DPP10: variants seen among roughly 807,000 people sequenced by gnomAD.
The protein encoded by DPP10 is dipeptidyl peptidase like 10, also known as inactive dipeptidyl peptidase 10.
Under a neutral mutation model 120.9 loss-of-function variants are expected in DPP10, and 33 were observed. That is an observed-to-expected ratio of 0.27 (90% CI 0.21 to 0.37). The LOEUF (loss-of-function observed/expected upper bound fraction) is 0.37, where lower values mean the gene tolerates loss of function less well. Ranked by LOEUF, DPP10 falls within the 10% of genes least tolerant of loss-of-function variation. The pLI is 1.00. For missense variants in DPP10, 816 were observed against 942.8 expected, an observed-to-expected ratio of 0.87 and a Z score of 1.76; for synonymous variants, 337 against 326.1, an observed-to-expected ratio of 1.03 and a Z score of -0.36.
At chr2:115,663,481 A>C (rs1424118881) in intron 5 of DPP10, among the ~76,000 whole-genome samples, 1 of 152,176 alleles carries the variant, frequency 6.6e-6, no homozygotes, top group African/African-American at 2.4e-5. Context: ...AAAGGTACAT[A>C]GACACTTTAT....
At chr2:115,817,498 C>G (rs1224885342) in intron 21 of DPP10, among the ~76,000 whole-genome samples, 1 of 152,086 alleles carries the variant, frequency 6.6e-6, no homozygotes, top group Non-Finnish European at 1.5e-5. Flanking sequence ...CAGTGCAAAT[C>G]ACGACCATCC....
chr2:115,752,119 A>C (rs2149745343), intron 10 of DPP10, among the ~76,000 whole-genome samples: 1 of 152,318 alleles, frequency 6.6e-6, no homozygotes, highest in African/African-American at 2.4e-5. Context: ...AATTAGTTTT[A>C]ATACAGTACA....
chr2:115,808,360 C>A (rs1016217043), intron 19 of DPP10, among the ~76,000 whole-genome samples: 1 of 152,066 alleles, frequency 6.6e-6, no homozygotes, highest in Non-Finnish European at 1.5e-5. Flanking sequence ...AATGAGAGTG[C>A]AGGAATTATT....
chr2:114,660,952 ATATT>A (rs1456684444), intron 1 of DPP10, among the ~76,000 whole-genome samples: 1 of 152,244 alleles, frequency 6.6e-6, no homozygotes, highest in African/African-American at 2.4e-5. Flanking sequence ...TGTGAAATGA[ATATT>A]TAAAGGTGAA....
intron 4 of DPP10, among the ~76,000 whole-genome samples, chr2:115,500,760 G>A (rs1409218563): frequency 6.6e-6 from 1 of 152,012 alleles, no homozygotes; most frequent in African/African-American, 2.4e-5. Flanking sequence ...TCAAGGATAT[G>A]TACAGCAGAT....
chr2:114,779,337 A>G (rs1011112953), intron 1 of DPP10, among the ~76,000 whole-genome samples: 1 of 152,160 alleles, frequency 6.6e-6, no homozygotes, highest in Non-Finnish European at 1.5e-5. Context: ...AGACATCAAT[A>G]TAAACATAGG....
chr2:115,217,201 T>C (rs1387064140), intron 1 of DPP10, among the ~76,000 whole-genome samples: 1 of 152,208 alleles, frequency 6.6e-6, no homozygotes, highest in Non-Finnish European at 1.5e-5. Context: ...GTCTGCTAAT[T>C]ACCAGCTGTG....
chr2:114,901,666 A>G lies in DPP10; in HGVS notation c.61-407573A>G, dbSNP rs1693584356. On this transcript the variant is annotated intron_variant, in intron 1 of 25. Transcript: ENST00000410059. ...AATAGCTGACATCACAGACATCTCAATTGGCTTAGCTTACACATTCCTGAC... is the reference window on the plus strand; with the variant it reads ...AATAGCTGACATCACAGACATCTCAGTTGGCTTAGCTTACACATTCCTGAC... 2.6e-5 allele frequency among the ~76,000 whole-genome samples: 4 copies of G among 152,222 alleles called. No homozygotes were observed. The South Asian group carries it at 8.3e-4, about 31-fold the overall frequency.
At chr2:114,886,189 TA>T (rs1692055377) in intron 1 of DPP10, among the ~76,000 whole-genome samples, 1 of 152,192 alleles carries the variant, frequency 6.6e-6, no homozygotes, top group African/African-American at 2.4e-5. Context: ...TTTAAGAAAA[TA>T]TGCAGAAAAC....
intron 5 of DPP10, among the ~76,000 whole-genome samples, chr2:115,595,539 C>A (rs993031233): frequency 6.6e-6 from 1 of 152,086 alleles, no homozygotes; most frequent in Admixed American, 6.6e-5. Context: ...GATTCTGGCC[C>A]TGTGTCAGTG....
chr2:114,994,587 T>G (rs1700958596), intron 1 of DPP10, among the ~76,000 whole-genome samples: 1 of 152,156 alleles, frequency 6.6e-6, no homozygotes, highest in African/African-American at 2.4e-5. Flanking sequence ...CAATTTCCTG[T>G]CCCTCAGAGT....
chr2:115,797,262 T>C (rs1684641497), intron 19 of DPP10, among the ~76,000 whole-genome samples: 1 of 152,042 alleles, frequency 6.6e-6, no homozygotes, highest in Non-Finnish European at 1.5e-5. Context: ...ATGTTCACTT[T>C]GTGGGAAGTC....
At chr2:115,749,859 C>A in intron 10 of DPP10, 1 of 296,622 alleles carries the variant, frequency 3.4e-6, no homozygotes. Context: ...TACCTGTCTG[C>A]AGGTGATGCT....
intron 5 of DPP10, among the ~76,000 whole-genome samples, chr2:115,528,264 C>T (rs987148743): frequency 2.0e-5 from 3 of 151,396 alleles, no homozygotes; most frequent in Admixed American, 6.6e-5. Flanking sequence ...ATGCAAATGA[C>T]GAGTTAATGG....
At position 115,520,534 on chromosome 2, in the gene DPP10, A is replaced by T. The variant is rs2077744932; in HGVS notation, c.367-5364A>T. On this transcript the variant is annotated intron_variant, in intron 4 of 25. Coordinates refer to ENST00000410059, the MANE Select transcript of DPP10 (RefSeq NM_020868.6). ...ATGATTTTTTTTTTTAATTTTGTAA[A>T]TAGAGATGTCTTTAGATATTTTTAT... Among the ~76,000 whole-genome samples, 3 of 151,882 alleles carry T rather than the reference A, an allele frequency of 2.0e-5. No individual in the cohort carries two copies. In the South Asian group the frequency reaches 6.2e-4, roughly 32 times the overall value.
chr2:115,135,134 G>A (rs1389923908), intron 1 of DPP10, among the ~76,000 whole-genome samples: 1 of 151,914 alleles, frequency 6.6e-6, no homozygotes, highest in East Asian at 1.9e-4. Flanking sequence ...CATGCTAGAT[G>A]TTGGAGATAG....
intron 1 of DPP10, among the ~76,000 whole-genome samples, chr2:115,118,891 A>G (rs974025513): frequency 1.2e-4 from 18 of 152,094 alleles, no homozygotes; most frequent in African/African-American, 3.9e-4. Context: ...CTGGAGTTAC[A>G]GGTGTGAGCC....
chr2:114,945,276 A>G (rs1030703283), intron 1 of DPP10, among the ~76,000 whole-genome samples: 1 of 152,250 alleles, frequency 6.6e-6, no homozygotes, highest in Non-Finnish European at 1.5e-5. Flanking sequence ...TCTCTGGAAG[A>G]TAATGTTAAG....
intron 1 of DPP10, among the ~76,000 whole-genome samples, chr2:114,801,757 T>A (rs192820534): frequency 8.2e-4 from 125 of 152,234 alleles, no homozygotes; most frequent in African/African-American, 2.8e-3. Flanking sequence ...AATTTTAGAG[T>A]CTTGCCAATT....
Sources: allele counts gnomAD v4.1 joint callset (sites outside exome capture counted in the v4.1 genomes callset), GRCh38; gene constraint gnomAD v4.1.1; transcripts MANE v1.5; gene names NCBI Gene and HGNC (gene_info 2026-07-23, HGNC 2026-07-21).